Variants in FAM13B observed in about 807,000 individuals in gnomAD.
The protein encoded by FAM13B is protein FAM13B.
In FAM13B, 60 loss-of-function variants were observed where a neutral mutation model predicts 117.3. The observed-to-expected ratio is 0.51, with a 90% CI of 0.42 to 0.63. The LOEUF is 0.63. Ranked by LOEUF, FAM13B falls within the 30% of genes least tolerant of loss-of-function variation. The pLI, the probability that FAM13B is intolerant of heterozygous loss-of-function variation, is 0.00. For synonymous variants in FAM13B, 332 were observed against 356.1 expected, an observed-to-expected ratio of 0.93 and a Z score of 0.76; for missense variants, 972 against 1,091.9, an observed-to-expected ratio of 0.89 and a Z score of 1.55.
chr5:138,030,324 G>A (rs1242239161), intron 1 of FAM13B, among the ~76,000 whole-genome samples: 1 of 151,990 alleles, frequency 6.6e-6, no homozygotes, highest in Non-Finnish European at 1.5e-5. Context: ...ACAGCTCACT[G>A]CAGCCTCAAA....
intron 1 of FAM13B, among the ~76,000 whole-genome samples, chr5:138,030,072 TCTTTTATA>T (rs1236518291): frequency 6.6e-6 from 1 of 152,178 alleles, no homozygotes; most frequent in Non-Finnish European, 1.5e-5. Flanking sequence ...TCAGCCTAGG[TCTTTTATA>T]CTTGCTAGTT....
chr5:137,977,659 A>G (rs1241800743), intron 10 of FAM13B, among the ~76,000 whole-genome samples: 1 of 152,170 alleles, frequency 6.6e-6, no homozygotes, highest in African/African-American at 2.4e-5. Flanking sequence ...GATTACAGGC[A>G]TGAACCACCA....
intron 5 of FAM13B, 120 bp from the exon 6 acceptor site, chr5:138,011,269 A>T: frequency 2.2e-6 from 2 of 909,996 alleles, no homozygotes; most frequent in Non-Finnish European, 1.7e-6. Context: ...CTGTGCTTCC[A>T]TTCTCCCATC....
chr5:137,957,814 G>A (rs986646784), intron 13 of FAM13B, among the ~76,000 whole-genome samples: 1 of 152,128 alleles, frequency 6.6e-6, no homozygotes, highest in Non-Finnish European at 1.5e-5. Context: ...TCAGGCATCA[G>A]CAGCCTACAG....
At chr5:137,974,021 T>C (rs1343624110) in intron 10 of FAM13B, among the ~76,000 whole-genome samples, 1 of 142,100 alleles carries the variant, frequency 7.0e-6, no homozygotes, top group Non-Finnish European at 1.5e-5. Context: ...TGTAAACTAG[T>C]TCAACCATTG....
Position 137,985,339 on chromosome 5 carries a change from C to T in FAM13B, c.1097G>A (p.Cys366Tyr). Reference protein sequence around the residue: ...IINASESNRDCSKPVASTNLD... With the variant: ...IINASESNRDYSKPVASTNLD... Reference sequence around the variant, plus strand: ...ATTAGTGCTAGCCACAGGTTTTGAACAGTCTCTGTTACTTTCACTGGCATT... The same window carrying T: ...ATTAGTGCTAGCCACAGGTTTTGAATAGTCTCTGTTACTTTCACTGGCATT... Residue 366 changes from cysteine to tyrosine, a missense_variant, in exon 10 of 24, where the codon TGT becomes TAT. By Grantham distance (194) the Cys-to-Tyr change is radical. Coordinates refer to ENST00000689681, the MANE Select transcript of FAM13B (RefSeq NM_001385994.1). The T allele has an allele frequency of 6.2e-7, 1 of 1,613,798 alleles. No homozygotes were observed. The highest frequency in any genetic ancestry group is 8.5e-7 in the Non-Finnish European group (1 of 1,179,848).
chr5:138,011,637 C>T (rs1784048163), intron 5 of FAM13B, 131 bp downstream of exon 5: 1 of 587,524 alleles, frequency 1.7e-6, no homozygotes, highest in Non-Finnish European at 2.9e-6. Flanking sequence ...CCAGGATGGT[C>T]TCAATCTCCT....
chr5:138,012,302 GA>G (rs1232637257), intron 4 of FAM13B, among the ~76,000 whole-genome samples: 3 of 141,526 alleles, frequency 2.1e-5, no homozygotes, highest in Non-Finnish European at 4.5e-5. Flanking sequence ...CCAACTATAA[GA>G]AGTCAAAATG....
chr5:137,984,540 T>A (rs1337135796), intron 10 of FAM13B, among the ~76,000 whole-genome samples: 2 of 152,190 alleles, frequency 1.3e-5, no homozygotes, highest in African/African-American at 4.8e-5. Context: ...GAGGTATACA[T>A]GTCTTAAAAC....
intron 1 of FAM13B, among the ~76,000 whole-genome samples, chr5:138,025,885 G>C (rs1282654135): frequency 2.0e-5 from 3 of 152,100 alleles, no homozygotes; most frequent in Admixed American, 6.5e-5. Flanking sequence ...ATATACTACA[G>C]AGCTATATTA....
Position 137,940,267 on chromosome 5 carries a change from AAGAAGCC to A in FAM13B, c.2765_2771del (p.Arg922MetfsTer5). On this transcript the variant is annotated frameshift_variant, in exon 24 of 24. Transcript: ENST00000689681. LOFTEE classifies it high-confidence loss of function. Reference sequence around the variant, plus strand: ...AATCTTGTTTGCTTATAAGAACTTCAAGAAGCCTAAGCTTGGCTTTAATTTTCTTGTA... The same window carrying A: ...AATCTTGTTTGCTTATAAGAACTTCATAAGCTTGGCTTTAATTTTCTTGTA... 1.9e-6 allele frequency: 3 copies of A among 1,613,956 alleles called. No homozygotes were observed. Among genetic ancestry groups the A allele is most frequent in the Non-Finnish European group, 2.5e-6 (3 of 1,179,834 alleles).
chr5:137,946,068 T>C, intron 19 of FAM13B, 71 bp from the exon 20 acceptor site: 1 of 1,385,786 alleles, frequency 7.2e-7, no homozygotes, highest in South Asian at 1.2e-5. Flanking sequence ...AAACAATGAC[T>C]TATTCGCCCA....
At chr5:138,049,996 G>A (rs1791753301) in intron 1 of FAM13B, among the ~76,000 whole-genome samples, 1 of 152,076 alleles carries the variant, frequency 6.6e-6, no homozygotes, top group Non-Finnish European at 1.5e-5. Context: ...ACATTAGCCC[G>A]GTGTGGTGGT....
In FAM13B at chr5:138,025,310, T is replaced by G. The variant is rs1188380878; in HGVS notation, c.-202-4113A>C. ...AGCCATATATATATATATATATATATGTATTTTTTTTTTTTTTTTTTTTGA... is the reference window on the plus strand; with the variant it reads ...AGCCATATATATATATATATATATAGGTATTTTTTTTTTTTTTTTTTTTGA... On this transcript the variant is annotated intron_variant, in intron 1 of 23. Coordinates refer to ENST00000689681, the MANE Select transcript of FAM13B (RefSeq NM_001385994.1). Among the ~76,000 whole-genome samples the G allele has an allele frequency of 3.8e-3, 204 of 53,266 alleles. 9 individuals carry two copies. Among genetic ancestry groups the G allele is most frequent in the East Asian group, 0.034 (103 of 3,014 alleles). The allele number at this position is 53,266 out of a possible 152,430, so 34.9% of individuals were successfully genotyped here.
chr5:137,974,538 A>C (rs994636062), intron 10 of FAM13B, among the ~76,000 whole-genome samples: 8 of 149,944 alleles, frequency 5.3e-5, no homozygotes, highest in African/African-American at 1.7e-4. Context: ...GCAGCGCACC[A>C]GCATGGCACA....
intron 1 of FAM13B, among the ~76,000 whole-genome samples, chr5:138,031,621 G>A (rs1017782838): frequency 4.6e-5 from 7 of 151,776 alleles, no homozygotes; most frequent in Non-Finnish European, 8.8e-5. Context: ...GGAGGAGGAG[G>A]TTGCAGTGAA....
At chr5:137,982,750 T>G (rs966637849) in intron 10 of FAM13B, among the ~76,000 whole-genome samples, 4 of 152,202 alleles carry the variant, frequency 2.6e-5, no homozygotes, top group African/African-American at 9.7e-5. Context: ...CAGGTGTGTC[T>G]GTTTCTGTGG....
At chr5:138,049,102 C>T (rs1174035835) in intron 1 of FAM13B, among the ~76,000 whole-genome samples, 1 of 151,968 alleles carries the variant, frequency 6.6e-6, no homozygotes, top group African/African-American at 2.4e-5. Context: ...CCACCGCGCC[C>T]AGCTAATTTT....
At chr5:137,995,521 G>A (rs1779648099) in intron 7 of FAM13B, among the ~76,000 whole-genome samples, 1 of 152,152 alleles carries the variant, frequency 6.6e-6, no homozygotes, top group Non-Finnish European at 1.5e-5. Flanking sequence ...AAATTGGATA[G>A]CTTCCAGATG....
Sources: gnomAD v4.1 joint callset for allele counts (sites outside exome capture counted in the v4.1 genomes callset) on GRCh38, gnomAD v4.1.1 for gene constraint, MANE v1.5 for transcripts, NCBI Gene and HGNC (gene_info 2026-07-23, HGNC 2026-07-21) for gene names.